Variants in MRGPRE observed in about 807,000 individuals in gnomAD.
MRGPRE encodes the protein mas-related G protein-coupled receptor member E.
For synonymous variants in MRGPRE, 229 were observed against 206.7 expected, an observed-to-expected ratio of 1.11 and a Z score of -0.92; for missense variants, 466 against 433.4, an observed-to-expected ratio of 1.08 and a Z score of -0.67.
chr11:3,230,652 C>T lies in MRGPRE; in HGVS notation c.-62+1489G>A, dbSNP rs1847819477. Among the ~76,000 whole-genome samples, 1 of 152,016 alleles carries T rather than the reference C, an allele frequency of 6.6e-6. No homozygotes were observed. The highest frequency in any genetic ancestry group is 2.4e-5 in the African/African-American group (1 of 41,392). ...GGGGTGGGCATGGGGGTGGGGGGCT[C>T]AGTGGAGAGGAGGCCCCAGTCCCAG... On this transcript the variant is annotated intron_variant, in intron 1 of 1. Transcript: ENST00000389832. This position sits in a 1 kb window ranked among gnomAD's most constrained non-coding sequence, Gnocchi z 5.5.
At position 3,228,637 on chromosome 11, in the gene MRGPRE, T is replaced by C; in HGVS notation, c.163A>G (p.Arg55Gly). ...VLWLLSSNVY[R>G]NPFAIYLLDV... is the part of the protein sequence containing the mutation. ...AGGAGGTAGATGGCGAAGGGGTTTC[T>C]GTAGACATTGGAGCTGAGCAGCCAG... The change falls in exon 2 of 2, where the codon AGA becomes GGA. Residue 55 changes from arginine to glycine, a missense_variant. Physicochemically the swap from Arg to Gly is moderately radical, Grantham distance 125. Transcript: ENST00000389832. The C allele has an allele frequency of 2.5e-6, 4 of 1,614,110 alleles. No individual in the cohort carries two copies. The highest frequency in any genetic ancestry group is 3.4e-6 in the Non-Finnish European group (4 of 1,180,002).
chr11:3,228,329 C>A lies in MRGPRE; in HGVS notation c.471G>T (p.Leu157=), dbSNP rs373908932. The A allele has an allele frequency of 2.6e-4, 402 of 1,562,610 alleles. No individual in the cohort carries two copies. Among genetic ancestry groups the A allele is most frequent in the Non-Finnish European group, 3.2e-4 (373 of 1,157,596 alleles). Residue 157 remains leucine (L), a synonymous_variant, in exon 2 of 2, where the codon CTG becomes CTT. Transcript: ENST00000389832. ...AGAACTGGGTGCAGGCGCCGCTGAG[C>A]AGCAGGTGCAGCAGCAGGCAGAGGG... The part of the protein sequence containing the change: ...TWALCLLLHL[L]LSGACTQFFG...
rs577252421 is a variant in MRGPRE, at chr11:3,228,025, C to T, written c.775G>A (p.Ala259Thr). 44 of 1,608,070 alleles carry T rather than the reference C, an allele frequency of 2.7e-5. No homozygotes were observed. The highest frequency in any genetic ancestry group is 5.6e-5 in the South Asian group (5 of 89,906). The stretch of plus-strand genomic sequence containing the variant: ...ACGGGCTTGGCCGCGCAGTGCACGG[C>T]GGCCATGAGGAAGCTGAAGTGGTAG... Reference protein sequence around the residue: ...YFYHFSFLMAAVHCAAKPVVY... With the variant: ...YFYHFSFLMATVHCAAKPVVY... The change falls in exon 2 of 2, where the codon GCC becomes ACC. Residue 259 changes from alanine (A) to threonine (T), a missense_variant. Transcript: ENST00000389832.
In MRGPRE at chr11:3,230,176, C is replaced by G. The variant is rs1318726422; in HGVS notation, c.-61-1316G>C. On this transcript the variant is annotated intron_variant, in intron 1 of 1. Coordinates refer to ENST00000389832, the MANE Select transcript of MRGPRE (RefSeq NM_001039165.4). This position sits in a 1 kb window ranked among gnomAD's most constrained non-coding sequence, Gnocchi z 5.5. ...TCATGTGTCTCTGAGTGCTTGGTGACCCCAGCTTCTCCTCTTGGGGTTGGG... is the reference window on the plus strand; with the variant it reads ...TCATGTGTCTCTGAGTGCTTGGTGAGCCCAGCTTCTCCTCTTGGGGTTGGG... 1.3e-5 allele frequency among the ~76,000 whole-genome samples: 2 copies of G among 152,102 alleles called. No individual in the cohort carries two copies. The highest frequency in any genetic ancestry group is 2.9e-5 in the Non-Finnish European group (2 of 68,016).
In MRGPRE at chr11:3,231,476, G is replaced by A. The variant is rs1222840521; in HGVS notation, c.-62+665C>T. On this transcript the variant is annotated intron_variant, in intron 1 of 1. Coordinates refer to ENST00000389832, the MANE Select transcript of MRGPRE (RefSeq NM_001039165.4). This position sits in a 1 kb window ranked among gnomAD's most constrained non-coding sequence, Gnocchi z 4.7. ...AGGGAGGCAGAGCTCTGTAGGAAGG[G>A]TCGCCACAGTTGGGTTACAGGACTG... Among the ~76,000 whole-genome samples, 1 of 151,926 alleles carries A rather than the reference G, an allele frequency of 6.6e-6. No homozygotes were observed. The highest frequency in any genetic ancestry group is 6.6e-5 in the Admixed American group (1 of 15,258).
In MRGPRE at chr11:3,228,480, T is replaced by C; in HGVS notation, c.320A>G (p.Tyr107Cys). The C allele has an allele frequency of 3.1e-6, 5 of 1,613,410 alleles. No homozygotes were observed. The highest frequency in any genetic ancestry group is 4.2e-6 in the Non-Finnish European group (5 of 1,179,952). ...TSLATLRFFC[Y>C]IVGLSLLAAV... is the part of the protein sequence containing the mutation. ...CGCCAGGAGACTCAGGCCCACGATG[T>C]AGCAGAAGAAGCGCAGCGTTGCCAG... is the stretch of plus-strand genomic sequence containing the variant. The change falls in exon 2 of 2, where the codon TAC (tyrosine) becomes TGC (cysteine). Residue 107 changes from tyrosine (Y) to cysteine (C), a missense_variant. By Grantham distance (194) the Tyr-to-Cys change is radical. Transcript: ENST00000389832.
rs766954894 is a variant in MRGPRE, at chr11:3,228,163, G to A, written c.637C>T (p.Arg213Trp). ...AGGAGGATGAGCCCAGGGAAGCCCCGGGGTGGGGGCCGCTGGGGGCCTCGC... is the reference window on the plus strand; with the variant it reads ...AGGAGGATGAGCCCAGGGAAGCCCCAGGGTGGGGGCCGCTGGGGGCCTCGC... ...VERGPQRPPP[R>W]GFPGLILLTV... The change falls in exon 2 of 2, where the codon CGG becomes TGG. Residue 213 changes from arginine to tryptophan, a missense_variant. By Grantham distance (101) the Arg-to-Trp change is moderately radical. Transcript: ENST00000389832. 27 of 1,572,424 alleles carry A rather than the reference G, an allele frequency of 1.7e-5. No individual in the cohort carries two copies. Among genetic ancestry groups the A allele is most frequent in the African/African-American group, 9.4e-5 (7 of 74,518 alleles).
rs886409878 is a variant in MRGPRE, at chr11:3,230,149, C to T, written c.-61-1289G>A. On this transcript the variant is annotated intron_variant, in intron 1 of 1. Transcript: ENST00000389832. The surrounding 1 kb of genome is among the most constrained non-coding windows in gnomAD (Gnocchi z 5.5). ...ATGCTGCCCCTGTGGTTACCTGGCC[C>T]GTCATGTGTCTCTGAGTGCTTGGTG... Among the ~76,000 whole-genome samples, 6 of 152,050 alleles carry T rather than the reference C, an allele frequency of 3.9e-5. No individual in the cohort carries two copies. Among genetic ancestry groups the T allele is most frequent in the South Asian group, 2.1e-4 (1 of 4,820 alleles).
At position 3,225,449 on chromosome 11, in the gene MRGPRE, G is replaced by A. The variant is rs555842749; in HGVS notation, c.*2412C>T. Among the ~76,000 whole-genome samples, 2 of 152,354 alleles carry A rather than the reference G, an allele frequency of 1.3e-5. No individual in the cohort carries two copies. The highest frequency in any genetic ancestry group is 3.9e-4 in the East Asian group (2 of 5,176). ...TGGCCTTTGAGCAGTGAGGCCCCAG[G>A]GTCCTGCAGGGTGGGGTCTAGGGCA... On this transcript the variant is annotated 3_prime_UTR_variant, in exon 2 of 2. Transcript: ENST00000389832.
chr11:3,228,900 A>C, intron 1 of MRGPRE, 40 bp from the exon 2 acceptor site: 4 of 939,504 alleles, frequency 4.3e-6, no homozygotes, highest in Non-Finnish European at 6.3e-6. Flanking sequence ...TCAGGAATCC[A>C]TGCCCCCTGC....
chr11:3,225,261 C>A lies in MRGPRE; in HGVS notation c.*2600G>T, dbSNP rs1847746832. Reference sequence around the variant, plus strand: ...GCCTCCCTGGGCCCTGAGGACGGAGCGGGTTACACAGGCTCCCTGGAATGT... The same window carrying A: ...GCCTCCCTGGGCCCTGAGGACGGAGAGGGTTACACAGGCTCCCTGGAATGT... On this transcript the variant is annotated 3_prime_UTR_variant, in exon 2 of 2. Transcript: ENST00000389832. Among the ~76,000 whole-genome samples the A allele has an allele frequency of 6.6e-6, 1 of 152,224 alleles. No homozygotes were observed.
Position 3,228,369 on chromosome 11 carries a change from C to T in MRGPRE, c.431G>A (p.Cys144Tyr), listed in dbSNP as rs747974272. 3 of 1,586,698 alleles carry T rather than the reference C, an allele frequency of 1.9e-6. No homozygotes were observed. The highest frequency in any genetic ancestry group is 2.7e-5 in the African/African-American group (2 of 74,330). The change falls in exon 2 of 2, where the codon TGC becomes TAC. Residue 144 changes from cysteine (C) to tyrosine (Y), a missense_variant. Physicochemically the swap from Cys to Tyr is radical, Grantham distance 194 (BLOSUM62 -2). Coordinates refer to ENST00000389832, the MANE Select transcript of MRGPRE (RefSeq NM_001039165.4). ...RRPRHLTTCV[C>Y]ALTWALCLLL... ...CAGGCAGAGGGCCCAGGTGAGGGCG[C>T]ACACACAGGTGGTCAGGTGGCGTGG...
chr11:3,227,929 C>T lies in MRGPRE; in HGVS notation c.871G>A (p.Gly291Arg). ...ACGGCCCCCAGCTCAGCCTCGTCTCCCAGCGCTCGCTGGAGGACCAGCCGG... is the reference window on the plus strand; with the variant it reads ...ACGGCCCCCAGCTCAGCCTCGTCTCTCAGCGCTCGCTGGAGGACCAGCCGG... Reference protein sequence around the residue: ...PLRLVLQRALGDEAELGAVRE... With the variant: ...PLRLVLQRALRDEAELGAVRE... The change falls in exon 2 of 2, where the codon GGA becomes AGA. Residue 291 changes from glycine to arginine, a missense_variant. Transcript: ENST00000389832. The T allele has an allele frequency of 6.6e-7, 1 of 1,520,668 alleles. No individual in the cohort carries two copies. The highest frequency in any genetic ancestry group is 1.7e-4 in the Middle Eastern group (1 of 5,746). The allele number at this position is 1,520,668 out of a possible 1,614,324, so 94.2% of individuals were successfully genotyped here.
chr11:3,228,346 G>C lies in MRGPRE; in HGVS notation c.454C>G (p.Leu152Val). 2 of 1,571,602 alleles carry C rather than the reference G, an allele frequency of 1.3e-6. No individual in the cohort carries two copies. Among genetic ancestry groups the C allele is most frequent in the Non-Finnish European group, 1.7e-6 (2 of 1,162,362 alleles). The change falls in exon 2 of 2, where the codon CTG (leucine) becomes GTG (valine). Residue 152 changes from leucine (L) to valine (V), a missense_variant. By Grantham distance (32) the Leu-to-Val change is conservative. Transcript: ENST00000389832. ...CVCALTWALC[L>V]LLHLLLSGAC... Reference sequence around the variant, plus strand: ...CCGCTGAGCAGCAGGTGCAGCAGCAGGCAGAGGGCCCAGGTGAGGGCGCAC... The same window carrying C: ...CCGCTGAGCAGCAGGTGCAGCAGCACGCAGAGGGCCCAGGTGAGGGCGCAC...
rs538638777 is a variant in MRGPRE, at chr11:3,227,669, C to T, written c.*192G>A. On this transcript the variant is annotated 3_prime_UTR_variant, in exon 2 of 2. Transcript: ENST00000389832. ...CCCGCCTGCCTGGGCATGTAGAGAC[C>T]TTGCCTTTCCAGCTGCCTCCCAGGG... is the stretch of plus-strand genomic sequence containing the variant. The T allele has an allele frequency of 1.0e-5, 5 of 491,710 alleles. No individual in the cohort carries two copies. The highest frequency in any genetic ancestry group is 9.7e-5 in the African/African-American group (5 of 51,768). The allele number at this position is 491,710 out of a possible 1,614,324, so 30.5% of individuals were successfully genotyped here.
At position 3,230,095 on chromosome 11, in the gene MRGPRE, C is replaced by T. The variant is rs989043153; in HGVS notation, c.-61-1235G>A. Among the ~76,000 whole-genome samples the T allele has an allele frequency of 5.3e-5, 8 of 152,134 alleles. No individual in the cohort carries two copies. Among genetic ancestry groups the T allele is most frequent in the South Asian group, 2.1e-4 (1 of 4,824 alleles). ...TAGGAGACTGCCAGGTGCTCAGAGC[C>T]GGAGACATGCCTGCAGATACCCGGC... is the stretch of plus-strand genomic sequence containing the variant. On this transcript the variant is annotated intron_variant, in intron 1 of 1. Transcript: ENST00000389832. This position sits in a 1 kb window ranked among gnomAD's most constrained non-coding sequence, Gnocchi z 5.5.
At position 3,226,289 on chromosome 11, in the gene MRGPRE, C is replaced by G. The variant is rs1035060834; in HGVS notation, c.*1572G>C. 6.6e-6 allele frequency: 1 copy of G among 152,352 alleles called. No homozygotes were observed. The highest frequency in any genetic ancestry group is 1.5e-5 in the Non-Finnish European group (1 of 68,130). 9.4% of individuals were successfully genotyped at this position (152,352 alleles called of 1,614,324 possible). A position where few individuals can be genotyped will look rare whatever the true frequency, so the allele number is the denominator to read the frequency against. On this transcript the variant is annotated 3_prime_UTR_variant, in exon 2 of 2. Transcript: ENST00000389832. ...GAAAGTGGAATTTGTGGACAGGCCACTTCCCTTTCTGTTCTTGTTTCTCCA... is the reference window on the plus strand; with the variant it reads ...GAAAGTGGAATTTGTGGACAGGCCAGTTCCCTTTCTGTTCTTGTTTCTCCA...
rs528100144 is a variant in MRGPRE at position 3,229,308 on chromosome 11, C to T, written c.-61-448G>A. On this transcript the variant is annotated intron_variant, in intron 1 of 1. Coordinates refer to ENST00000389832, the MANE Select transcript of MRGPRE (RefSeq NM_001039165.4). The surrounding 1 kb of genome is among the most constrained non-coding windows in gnomAD (Gnocchi z 4.4). ...TGGCACCATCTCGGCTCACTGCAACCTCTGCCTCCCGGGTTCAAGTGATTC... is the reference window on the plus strand; with the variant it reads ...TGGCACCATCTCGGCTCACTGCAACTTCTGCCTCCCGGGTTCAAGTGATTC... Among the ~76,000 whole-genome samples, 1 of 149,104 alleles carries T rather than the reference C, an allele frequency of 6.7e-6. No homozygotes were observed. The highest frequency in any genetic ancestry group is 6.7e-5 in the Admixed American group (1 of 14,832).
chr11:3,228,970 TC>T, intron 1 of MRGPRE, 110 bp from the exon 2 acceptor site: 1 of 594,572 alleles, frequency 1.7e-6, no homozygotes, highest in Non-Finnish European at 3.0e-6. Context: ...GGTGAGACCC[TC>T]CAGGAGAAGA....
Sources: gnomAD v4.1 joint callset for allele counts (sites outside exome capture counted in the v4.1 genomes callset) on GRCh38, gnomAD v4.1.1 for gene constraint, Gnocchi (gnomAD v3.1) non-coding constraint, MANE v1.5 for transcripts, NCBI Gene and HGNC (gene_info 2026-07-23, HGNC 2026-07-21) for gene names.